Variants in MEIS1 observed in about 807,000 individuals in gnomAD.
MEIS1 encodes Meis homeobox 1, also known as homeobox protein Meis1.
A neutral mutation model predicts 50.8 loss-of-function variants in MEIS1; 5 were observed. That is an observed-to-expected ratio of 0.10 (90% CI 0.05 to 0.21). MEIS1 has a LOEUF of 0.21. MEIS1 is among the 10% of genes least tolerant of loss of function. The pLI, the probability that MEIS1 is intolerant of heterozygous loss-of-function variation, is 1.00. For missense variants in MEIS1, 318 were observed against 517.3 expected, an observed-to-expected ratio of 0.61 and a Z score of 3.74; for synonymous variants, 176 against 179.3, an observed-to-expected ratio of 0.98 and a Z score of 0.15.
At position 66,435,601 on chromosome 2, in the gene MEIS1, C is replaced by CTT. The variant is rs142644762; in HGVS notation, c.-249_-248dup. 1.1e-5 allele frequency: 4 copies of CTT among 377,232 alleles called. No individual in the cohort carries two copies. Among genetic ancestry groups the CTT allele is most frequent in the African/African-American group, 8.6e-5 (4 of 46,290 alleles). The allele number at this position is 377,232 out of a possible 1,614,324, so 23.4% of individuals were successfully genotyped here. ...TGATTTTTGGGGGAGAGAAGATCTG[C>CTT]TTTTTTTTGCCCCCGCTGCTGTCTT... On this transcript the variant is annotated 5_prime_UTR_variant, in exon 1 of 13. Coordinates refer to ENST00000272369, the MANE Select transcript of MEIS1 (RefSeq NM_002398.3).
rs575839058 is a variant in MEIS1 at position 66,501,452 on chromosome 2, TA to T, written c.743-10687del. The stretch of plus-strand genomic sequence containing the variant: ...GGGATTTTTTCAGGGCATTTAGTTG[TA>T]AAAAAAAAATGCTGAATAGATGAAA... On this transcript the variant is annotated intron_variant, in intron 7 of 12. Coordinates refer to ENST00000272369, the MANE Select transcript of MEIS1 (RefSeq NM_002398.3). Among the ~76,000 whole-genome samples, 219 of 148,242 alleles carry T rather than the reference TA, an allele frequency of 1.5e-3. 1 individual carries two copies. The highest frequency in any genetic ancestry group is 3.5e-3 in the Middle Eastern group (1 of 286).
intron 8 of MEIS1, among the ~76,000 whole-genome samples, chr2:66,527,863 A>T (rs980238683): frequency 1.3e-5 from 2 of 152,142 alleles, no homozygotes; most frequent in Admixed American, 6.5e-5. Flanking sequence ...ATTGCAATAT[A>T]AATGGGGTCA....
At chr2:66,438,286 C>T (rs1671851713) in intron 2 of MEIS1, among the ~76,000 whole-genome samples, 1 of 152,170 alleles carries the variant, frequency 6.6e-6, no homozygotes, top group African/African-American at 2.4e-5. Context: ...CGCTCGATTT[C>T]GCCCGAGAGC....
intron 7 of MEIS1, among the ~76,000 whole-genome samples, chr2:66,469,926 T>G (rs1672727984): frequency 7.0e-6 from 1 of 143,488 alleles, no homozygotes; most frequent in Admixed American, 6.7e-5. Flanking sequence ...TTCTAGACAA[T>G]TTTCTTTAAA....
intron 8 of MEIS1, among the ~76,000 whole-genome samples, chr2:66,513,207 A>T (rs1175727317): frequency 6.6e-6 from 1 of 152,202 alleles, no homozygotes; most frequent in African/African-American, 2.4e-5. Context: ...ATGAATTTAG[A>T]CAGGTTGTAG....
intron 7 of MEIS1, among the ~76,000 whole-genome samples, chr2:66,484,037 A>C (rs1484652281): frequency 6.6e-6 from 1 of 152,208 alleles, no homozygotes. Flanking sequence ...AATCCTTAGC[A>C]TTATGGATAA....
chr2:66,571,320 A>G lies in MEIS1; in HGVS notation c.*112A>G. The G allele has an allele frequency of 6.3e-7, 1 of 1,597,586 alleles. No individual in the cohort carries two copies. Among genetic ancestry groups the G allele is most frequent in the African/African-American group, 1.3e-5 (1 of 74,542 alleles). On this transcript the variant is annotated 3_prime_UTR_variant, in exon 13 of 13. Transcript: ENST00000272369. ...TGTGAGTATGGGACAGCCAAGTTAT[A>G]CCCAACCCCAGATGCCCCCCCATCC...
chr2:66,464,548 C>T (rs1672591338), intron 7 of MEIS1, among the ~76,000 whole-genome samples: 1 of 152,168 alleles, frequency 6.6e-6, no homozygotes, highest in Non-Finnish European at 1.5e-5. Flanking sequence ...TTACTACTTG[C>T]CCTCAGAGGC....
intron 8 of MEIS1, among the ~76,000 whole-genome samples, chr2:66,519,088 C>A (rs1572872279): frequency 1.3e-5 from 2 of 152,306 alleles, no homozygotes; most frequent in East Asian, 1.9e-4. Context: ...CATTTTACAT[C>A]TTTTAATCCC....
intron 12 of MEIS1, chr2:66,570,281 T>C (rs1218290203): frequency 2.6e-5 from 4 of 152,200 alleles, no homozygotes; most frequent in African/African-American, 7.2e-5. Context: ...TTAAATATTG[T>C]TTCTTAGTTT....
intron 9 of MEIS1, among the ~76,000 whole-genome samples, chr2:66,566,116 A>AT (rs1441308741): frequency 6.6e-6 from 1 of 152,218 alleles, no homozygotes; most frequent in Non-Finnish European, 1.5e-5. Flanking sequence ...GGGACTTCAT[A>AT]TACAAGAACT....
intron 7 of MEIS1, among the ~76,000 whole-genome samples, chr2:66,467,371 G>A (rs550359794): frequency 6.6e-6 from 1 of 152,030 alleles, no homozygotes; most frequent in Non-Finnish European, 1.5e-5. Context: ...CCGAGGTAGG[G>A]GGGGGTCACA....
intron 8 of MEIS1, among the ~76,000 whole-genome samples, chr2:66,546,946 G>T (rs1674806927): frequency 6.6e-6 from 1 of 152,016 alleles, no homozygotes; most frequent in Non-Finnish European, 1.5e-5. Context: ...AGTTTCCATG[G>T]CACAGATAGT....
At chr2:66,470,785 G>A (rs1335618700) in intron 7 of MEIS1, among the ~76,000 whole-genome samples, 1 of 152,132 alleles carries the variant, frequency 6.6e-6, no homozygotes, top group East Asian at 1.9e-4. Context: ...TCTGAAAAGT[G>A]GATGAAGTGT....
At chr2:66,463,983 G>A in intron 6 of MEIS1, 126 bp from the exon 7 acceptor site, 1 of 663,798 alleles carries the variant, frequency 1.5e-6, no homozygotes, top group South Asian at 1.9e-5. Flanking sequence ...ATGGTTGAAG[G>A]GGGATGGGAA....
chr2:66,441,626 G>A (rs759617447), intron 5 of MEIS1, 162 bp downstream of exon 5: 14 of 596,368 alleles, frequency 2.3e-5, no homozygotes, highest in South Asian at 1.4e-4. Flanking sequence ...ATTTCTCTTC[G>A]CAGTTTAATT....
chr2:66,542,936 CAG>C (rs1674690586), intron 8 of MEIS1, among the ~76,000 whole-genome samples: 1 of 152,188 alleles, frequency 6.6e-6, no homozygotes, highest in Admixed American at 6.5e-5. Context: ...CTGCATTCTA[CAG>C]AGTCTGTCTC....
intron 7 of MEIS1, among the ~76,000 whole-genome samples, chr2:66,473,020 C>T (rs1672798647): frequency 6.6e-6 from 1 of 152,094 alleles, no homozygotes; most frequent in Non-Finnish European, 1.5e-5. Context: ...ACCCACAGGA[C>T]TACAAGGGCA....
intron 6 of MEIS1, among the ~76,000 whole-genome samples, chr2:66,449,380 T>C (rs1672228542): frequency 6.6e-6 from 1 of 152,150 alleles, no homozygotes; most frequent in African/African-American, 2.4e-5. Flanking sequence ...CCATCCTTAA[T>C]GTATACGAAT....
Sources: allele counts gnomAD v4.1 joint callset (sites outside exome capture counted in the v4.1 genomes callset), GRCh38; gene constraint gnomAD v4.1.1; transcripts MANE v1.5; gene names NCBI Gene and HGNC (gene_info 2026-07-23, HGNC 2026-07-21).